The following KAZN variants were observed in gnomAD, a reference collection of about 807,000 sequenced individuals.
KAZN encodes kazrin.
Under a neutral mutation model 87.4 loss-of-function variants are expected in KAZN, and 40 were observed. The observed-to-expected ratio is 0.46, with a 90% CI of 0.36 to 0.60. The LOEUF is 0.60. KAZN is among the 20% of genes least tolerant of loss of function. KAZN has a pLI of 0.00. For synonymous variants in KAZN, 466 were observed against 458.3 expected (o/e 1.02, Z -0.22); for missense variants, 898 against 1,073.9 (o/e 0.84, Z 2.29).
At chr1:14,922,980 G>A (rs1002287478) in intron 1 of KAZN, among the ~76,000 whole-genome samples, 1 of 152,166 alleles carries the variant, frequency 6.6e-6, no homozygotes, top group African/African-American at 2.4e-5. Flanking sequence ...CCCATGGGCA[G>A]GAAACTGCTC....
chr1:15,007,846 T>G (rs1347398358), intron 2 of KAZN, among the ~76,000 whole-genome samples: 2 of 151,330 alleles, frequency 1.3e-5, no homozygotes, highest in African/African-American at 4.9e-5. Flanking sequence ...GCATAAGGAG[T>G]TTTTTCCTGA....
intron 1 of KAZN, among the ~76,000 whole-genome samples, chr1:14,774,608 C>T (rs374530820): frequency 6.6e-6 from 1 of 152,014 alleles, no homozygotes; most frequent in South Asian, 2.1e-4. Flanking sequence ...GTAGTTGGGA[C>T]TACAGGCATG....
rs570427349 is a variant in KAZN, at chr1:14,292,520, G to A, written c.249+111928G>A. On this transcript the variant is annotated intron_variant, in intron 2 of 16. Coordinates refer to the KAZN transcript ENST00000636203. The stretch of plus-strand genomic sequence containing the variant: ...TGTGGTGGTAGATGGGGCTGGCAGG[G>A]ATTGATCCATGTCCAGGGAGTGAAG... 1.1e-4 allele frequency among the ~76,000 whole-genome samples: 16 copies of A among 152,268 alleles called. No homozygotes were observed. In the South Asian group the frequency reaches 2.1e-3, roughly 20 times the overall value.
At chr1:14,229,105 T>G (rs565674026) in intron 2 of KAZN, among the ~76,000 whole-genome samples, 31 of 152,322 alleles carry the variant, frequency 2.0e-4, no homozygotes, top group African/African-American at 7.2e-4. Context: ...ATAGATATTA[T>G]AGGCTCTATT....
chr1:14,558,382 A>T (rs1169916908), intron 2 of KAZN, among the ~76,000 whole-genome samples: 2 of 152,166 alleles, frequency 1.3e-5, no homozygotes, highest in Non-Finnish European at 2.9e-5. Flanking sequence ...GCAAGTAAAC[A>T]TCTTTTTTCT....
chr1:14,098,447 C>T (rs1644177655), intron 1 of KAZN, among the ~76,000 whole-genome samples: 1 of 152,192 alleles, frequency 6.6e-6, no homozygotes, highest in South Asian at 2.1e-4. Context: ...TATGCTGGAG[C>T]TCTGTTTGCA....
intron 2 of KAZN, among the ~76,000 whole-genome samples, chr1:14,221,618 A>C (rs772826071): frequency 2.6e-5 from 4 of 152,112 alleles, no homozygotes; most frequent in Non-Finnish European, 5.9e-5. Flanking sequence ...TCCTGTTACG[A>C]GTCACCATTA....
intron 1 of KAZN, among the ~76,000 whole-genome samples, chr1:14,934,516 T>C (rs1026304917): frequency 7.2e-5 from 11 of 152,236 alleles, no homozygotes; most frequent in African/African-American, 2.7e-4. Context: ...TCCTTTTTCA[T>C]AGCATATTTG....
At chr1:15,080,865 G>A (rs540316951) in intron 8 of KAZN, among the ~76,000 whole-genome samples, 10 of 152,178 alleles carry the variant, frequency 6.6e-5, no homozygotes, top group Admixed American at 2.0e-4. Context: ...GACGCTGGGA[G>A]CAGCTACACT....
chr1:14,553,664 A>AC (rs1317702985), intron 2 of KAZN, among the ~76,000 whole-genome samples: 2 of 149,066 alleles, frequency 1.3e-5, no homozygotes, highest in Non-Finnish European at 3.0e-5. Context: ...ATTATCTGAA[A>AC]CCCCCCTCTT....
At chr1:13,894,605 T>A (rs57593212) in intron 1 of KAZN, among the ~76,000 whole-genome samples, 1 of 152,094 alleles carries the variant, frequency 6.6e-6, no homozygotes, top group East Asian at 1.9e-4. Context: ...TAGGGTTAAT[T>A]GTGGATTTTG....
At chr1:14,888,706 T>TA (rs1444234011) in intron 1 of KAZN, among the ~76,000 whole-genome samples, 1 of 152,126 alleles carries the variant, frequency 6.6e-6, no homozygotes, top group African/African-American at 2.4e-5. Flanking sequence ...TAGGATCACT[T>TA]ATGCCGCCGT....
chr1:14,283,381 G>C (rs1315083866), intron 2 of KAZN, among the ~76,000 whole-genome samples: 1 of 152,114 alleles, frequency 6.6e-6, no homozygotes, highest in African/African-American at 2.4e-5. Context: ...GATAGAAGAG[G>C]CTACTGACAT....
rs550218299 is a variant in KAZN, at chr1:14,449,244, G to C, written c.250-149739G>C. Among the ~76,000 whole-genome samples the C allele has an allele frequency of 5.9e-5, 9 of 152,280 alleles. No homozygotes were observed. The South Asian group carries it at 1.9e-3, about 32-fold the overall frequency. ...CTCCTCCTTTTCTCTGATGTCTTCTGGTTTGGCTTCATTATCAAGTAAGCT... is the reference window on the plus strand; with the variant it reads ...CTCCTCCTTTTCTCTGATGTCTTCTCGTTTGGCTTCATTATCAAGTAAGCT... On this transcript the variant is annotated intron_variant, in intron 2 of 16. Coordinates refer to the KAZN transcript ENST00000636203.
intron 8 of KAZN, among the ~76,000 whole-genome samples, chr1:15,069,972 C>T (rs1639433352): frequency 6.6e-6 from 1 of 152,208 alleles, no homozygotes; most frequent in South Asian, 2.1e-4. Context: ...CCATGCTATG[C>T]ACTTTACACA....
intron 2 of KAZN, among the ~76,000 whole-genome samples, chr1:14,501,889 C>T (rs897313366): frequency 6.6e-6 from 1 of 152,156 alleles, no homozygotes; most frequent in African/African-American, 2.4e-5. Flanking sequence ...TGTATGATTT[C>T]ACTTATATGC....
At chr1:15,111,274 G>GTTGT (rs1557808031) in intron 13 of KAZN, among the ~76,000 whole-genome samples, 4 of 150,532 alleles carry the variant, frequency 2.7e-5, no homozygotes, top group East Asian at 3.9e-4. Context: ...GTTGTTGTTT[G>GTTGT]TTGTTGTTGT....
intron 2 of KAZN, among the ~76,000 whole-genome samples, chr1:14,264,063 C>T (rs570565970): frequency 6.6e-6 from 1 of 152,358 alleles, no homozygotes; most frequent in Non-Finnish European, 1.5e-5. Context: ...AAACAGCACA[C>T]ACTTGTTATC....
At chr1:15,049,297 C>T (rs1047475627) in intron 4 of KAZN, among the ~76,000 whole-genome samples, 9 of 152,334 alleles carry the variant, frequency 5.9e-5, no homozygotes, top group African/African-American at 2.2e-4. Flanking sequence ...ACACGGACCT[C>T]GCTGCTGACG....
Sources: allele counts gnomAD v4.1 joint callset (sites outside exome capture counted in the v4.1 genomes callset), GRCh38; gene constraint gnomAD v4.1.1; transcripts MANE v1.5; gene names NCBI Gene and HGNC (gene_info 2026-07-23, HGNC 2026-07-21).